Variants in GSTCD observed in about 807,000 individuals in gnomAD.
The protein encoded by GSTCD is glutathione S-transferase C-terminal domain-containing protein.
GSTCD carries 44 observed loss-of-function variants against 68.3 expected under a neutral mutation model. The ratio of observed to expected loss-of-function variants is 0.64; its 90% CI spans 0.51 to 0.83. GSTCD has a LOEUF of 0.83. GSTCD is among the 40% of genes least tolerant of loss of function. The probability of loss-of-function intolerance (pLI) is 0.00; values close to 1 mark genes in which losing one functional copy is unlikely to be tolerated. For synonymous variants in GSTCD, 273 were observed against 255.2 expected (o/e 1.07, Z -0.67); for missense variants, 739 against 735.9 (o/e 1.00, Z -0.05).
intron 3 of GSTCD, 31 bp downstream of exon 3, chr4:105,719,558 T>C (rs1193050278): frequency 1.3e-6 from 2 of 1,490,970 alleles, no homozygotes; most frequent in African/African-American, 2.8e-5. Context: ...TACACATTAC[T>C]ATGAGTTTCA....
intron 5 of GSTCD, among the ~76,000 whole-genome samples, chr4:105,733,686 C>T (rs1325256000): frequency 6.6e-6 from 1 of 152,054 alleles, no homozygotes; most frequent in Admixed American, 6.5e-5. Flanking sequence ...AGCCCATTTA[C>T]GTTAAGGTTA....
intron 2 of GSTCD, among the ~76,000 whole-genome samples, chr4:105,718,685 ATAAC>A (rs1379126046): frequency 6.6e-6 from 1 of 152,228 alleles, no homozygotes; most frequent in Non-Finnish European, 1.5e-5. Flanking sequence ...TTTTTAGAAA[ATAAC>A]TCTTTTTTCT....
At chr4:105,746,183 A>G (rs374790082) in intron 5 of GSTCD, 50 of 152,316 alleles carry the variant, frequency 3.3e-4, no homozygotes, top group African/African-American at 1.2e-3. Flanking sequence ...TGATTGACAC[A>G]TATTTTATAT....
At chr4:105,734,745 G>A (rs904083763) in intron 5 of GSTCD, among the ~76,000 whole-genome samples, 3 of 152,296 alleles carry the variant, frequency 2.0e-5, no homozygotes, top group South Asian at 4.1e-4. Flanking sequence ...CTTTGGAGGG[G>A]GAGAGGTGCT....
chr4:105,761,545 T>A (rs538894684), intron 5 of GSTCD: 1 of 152,316 alleles, frequency 6.6e-6, no homozygotes, highest in African/African-American at 2.4e-5. Context: ...AAGCAATGTT[T>A]GGCTCCTTGA....
intron 5 of GSTCD, among the ~76,000 whole-genome samples, chr4:105,811,251 A>G (rs1432444068): frequency 1.3e-5 from 2 of 152,098 alleles, no homozygotes; most frequent in Non-Finnish European, 2.9e-5. Flanking sequence ...CTCTCTAAAT[A>G]TCTTTTTATA....
chr4:105,722,059 G>A (rs187634741), intron 3 of GSTCD, among the ~76,000 whole-genome samples: 20 of 152,090 alleles, frequency 1.3e-4, no homozygotes, highest in African/African-American at 4.6e-4. Context: ...ATTATTGTAC[G>A]CCTATAAGAC....
rs1329116901 is a variant in GSTCD, at chr4:105,719,430, A to T, written c.797A>T (p.Lys266Ile). 3.1e-6 allele frequency: 5 copies of T among 1,613,942 alleles called. No homozygotes were observed. The highest frequency in any genetic ancestry group is 4.2e-6 in the Non-Finnish European group (5 of 1,179,984). The change falls in exon 3 of 12, where the codon AAA becomes ATA. Residue 266 changes from lysine to isoleucine, a missense_variant. Physicochemically the swap from Lys to Ile is moderately radical, Grantham distance 102. Coordinates refer to ENST00000515279, the MANE Select transcript of GSTCD (RefSeq NM_001370181.1). ...NREPSHIRKAKASDLPPLEHV... is the reference protein window; with the variant it reads ...NREPSHIRKAIASDLPPLEHV... Reference sequence around the variant, plus strand: ...GAGCCTTCTCACATCAGAAAAGCAAAAGCCTCCGACCTTCCACCTCTGGAG... The same window carrying T: ...GAGCCTTCTCACATCAGAAAAGCAATAGCCTCCGACCTTCCACCTCTGGAG...
At chr4:105,839,509 C>G (rs1334127054) in intron 10 of GSTCD, among the ~76,000 whole-genome samples, 3 of 152,122 alleles carry the variant, frequency 2.0e-5, no homozygotes, top group Non-Finnish European at 2.9e-5. Context: ...GTGACACACA[C>G]CTGTAATCTC....
At chr4:105,836,557 T>A (rs1560855330) in intron 9 of GSTCD, among the ~76,000 whole-genome samples, 3 of 152,028 alleles carry the variant, frequency 2.0e-5, no homozygotes, top group Non-Finnish European at 1.5e-5. Flanking sequence ...TGCAGGCCCA[T>A]GTCAAGCTGC....
Position 105,717,961 on chromosome 4 carries a change from C to G in GSTCD, c.348C>G (p.Ser116=). ...AVVLRHIIQK[S]YEADPLKKEL... is the part of the protein sequence containing the mutation. ...TATTGAGACACATAATCCAGAAATCCTATGAAGCAGACCCCTTAAAGAAGG... is the reference window on the plus strand; with the variant it reads ...TATTGAGACACATAATCCAGAAATCGTATGAAGCAGACCCCTTAAAGAAGG... The change falls in exon 2 of 12, where the codon TCC becomes TCG. Residue 116 remains serine, a synonymous_variant. Transcript: ENST00000515279. 6.2e-7 allele frequency: 1 copy of G among 1,614,012 alleles called. No individual in the cohort carries two copies. The highest frequency in any genetic ancestry group is 1.1e-5 in the South Asian group (1 of 91,080).
At chr4:105,822,752 A>AAAAC (rs1199879648) in intron 5 of GSTCD, among the ~76,000 whole-genome samples, 1 of 152,140 alleles carries the variant, frequency 6.6e-6, no homozygotes, top group African/African-American at 2.4e-5. Context: ...AAGCAAAAAT[A>AAAAC]AAGTTCATCT....
At chr4:105,727,351 C>A (rs1293455385) in intron 4 of GSTCD, among the ~76,000 whole-genome samples, 1 of 151,550 alleles carries the variant, frequency 6.6e-6, no homozygotes, top group Admixed American at 6.6e-5. Flanking sequence ...TGGCAAAACC[C>A]CATCTCTACT....
At chr4:105,815,535 T>A (rs1722940926) in intron 5 of GSTCD, among the ~76,000 whole-genome samples, 2 of 152,250 alleles carry the variant, frequency 1.3e-5, no homozygotes, top group African/African-American at 4.8e-5. Context: ...AGAAAACCTA[T>A]AAGGTCAGAT....
intron 3 of GSTCD, among the ~76,000 whole-genome samples, chr4:105,721,661 T>A (rs945306274): frequency 6.6e-6 from 1 of 152,120 alleles, no homozygotes; most frequent in African/African-American, 2.4e-5. Context: ...TGTTTTTTTT[T>A]AATTTGTCAG....
chr4:105,732,799 A>G (rs574892670), intron 5 of GSTCD, among the ~76,000 whole-genome samples: 4 of 152,226 alleles, frequency 2.6e-5, no homozygotes, highest in Admixed American at 1.3e-4. Flanking sequence ...TCAATTTTAG[A>G]TCTTTCCTGC....
At chr4:105,825,942 G>A (rs1212610418) in intron 8 of GSTCD, 142 bp downstream of exon 8, 2 of 453,306 alleles carry the variant, frequency 4.4e-6, no homozygotes, top group African/African-American at 4.0e-5. Context: ...ATGAAATATA[G>A]CATATTAATG....
intron 5 of GSTCD, among the ~76,000 whole-genome samples, chr4:105,763,873 C>T (rs114736882): frequency 3.3e-5 from 5 of 151,964 alleles, no homozygotes; most frequent in African/African-American, 7.2e-5. Flanking sequence ...TTTGATTTTT[C>T]CCCAGAGGTA....
chr4:105,834,582 A>G lies in GSTCD; in HGVS notation c.1652A>G (p.Asn551Ser), dbSNP rs775739230. 41 of 1,613,814 alleles carry G rather than the reference A, an allele frequency of 2.5e-5. No individual in the cohort carries two copies. The highest frequency in any genetic ancestry group is 3.2e-5 in the Non-Finnish European group (38 of 1,179,890). The change falls in exon 9 of 12, where the codon AAT (asparagine) becomes AGT (serine). Residue 551 changes from asparagine (N) to serine (S), a missense_variant. Coordinates refer to ENST00000515279, the MANE Select transcript of GSTCD (RefSeq NM_001370181.1). Reference sequence around the variant, plus strand: ...TTCATTCAGAACACCTCAAAGTTCAATTTTCCAAAAAGGTGAGAAATTCAG... The same window carrying G: ...TTCATTCAGAACACCTCAAAGTTCAGTTTTCCAAAAAGGTGAGAAATTCAG... ...YGFIQNTSKF[N>S]FPKSEQFKKT... is the part of the protein sequence containing the mutation.
Sources: gnomAD v4.1 joint callset for allele counts (sites outside exome capture counted in the v4.1 genomes callset) on GRCh38, gnomAD v4.1.1 for gene constraint, MANE v1.5 for transcripts, NCBI Gene and HGNC (gene_info 2026-07-23, HGNC 2026-07-21) for gene names.